ABCC11: variants seen among roughly 807,000 people sequenced by gnomAD.
ABCC11 encodes ATP binding cassette subfamily C member 11.
Under a neutral mutation model 149.3 loss-of-function variants are expected in ABCC11, and 135 were observed. The observed-to-expected ratio is 0.90, with a 90% CI of 0.79 to 1.04. The LOEUF (loss-of-function observed/expected upper bound fraction) is 1.04, where lower values mean the gene tolerates loss of function less well. ABCC11 is among the 50% of genes least tolerant of loss of function. ABCC11 has a pLI of 0.00. For synonymous variants in ABCC11, 665 were observed against 671.4 expected (o/e 0.99, Z 0.15); for missense variants, 1,680 against 1,722.1 (o/e 0.98, Z 0.43).
chr16:48,168,171 T>G (rs996299090), intron 28 of ABCC11, among the ~76,000 whole-genome samples: 4 of 152,200 alleles, frequency 2.6e-5, no homozygotes, highest in African/African-American at 9.6e-5. Context: ...AGGCTGTTTT[T>G]GAAAAGGGAG....
At chr16:48,210,512 C>T (rs766610720) in intron 11 of ABCC11, 16 of 164,052 alleles carry the variant, frequency 9.8e-5, no homozygotes, top group East Asian at 3.5e-4. Flanking sequence ...AGAGGAGGGG[C>T]GAAGAGGAGA....
At chr16:48,196,438 C>A (rs1967423715) in intron 17 of ABCC11, 117 bp from the exon 18 acceptor site, 2 of 934,788 alleles carry the variant, frequency 2.1e-6, no homozygotes, top group East Asian at 5.3e-5. Flanking sequence ...CAGTGCCCCA[C>A]CTATGTCTAA....
intron 1 of ABCC11, among the ~76,000 whole-genome samples, chr16:48,234,140 C>T (rs185333148): frequency 6.6e-6 from 1 of 152,306 alleles, no homozygotes; most frequent in East Asian, 1.9e-4. Context: ...TAAACACACC[C>T]ATCATGGCCG....
At chr16:48,210,193 T>C (rs573242633) in intron 11 of ABCC11, 1 of 152,190 alleles carries the variant, frequency 6.6e-6, no homozygotes, top group East Asian at 1.9e-4. Context: ...CCTTATTTCA[T>C]TTTAAATGCT....
chr16:48,165,381 C>T (rs1203586514), downstream of ABCC11, among the ~76,000 whole-genome samples: 1 of 152,234 alleles, frequency 6.6e-6, no homozygotes, highest in Non-Finnish European at 1.5e-5. Context: ...AAATGGGGAA[C>T]AGAAGGTTCG....
chr16:48,224,457 G>T (rs1044548085), intron 4 of ABCC11, 28 bp from the exon 5 acceptor site: 1 of 1,609,310 alleles, frequency 6.2e-7, no homozygotes, highest in Non-Finnish European at 8.5e-7. Context: ...GGAACTGGTG[G>T]AATCTCTTTG....
intron 1 of ABCC11, among the ~76,000 whole-genome samples, chr16:48,233,521 C>A (rs1970535345): frequency 6.6e-6 from 1 of 152,182 alleles, no homozygotes; most frequent in African/African-American, 2.4e-5. Context: ...GAGAGAGTGA[C>A]ACACACTCTT....
In ABCC11 at chr16:48,221,737, GGTGT is replaced by G. The variant is rs71973142; in HGVS notation, c.777+857_777+860del. 3.5e-3 allele frequency among the ~76,000 whole-genome samples: 527 copies of G among 150,128 alleles called. 2 individuals are homozygous for G. The highest frequency in any genetic ancestry group is 0.012 in the African/African-American group (497 of 41,020). ...AGAATAGGCCTCAGTAACTATTTGG[GGTGT>G]GTGTGTGTGTGTGTGTTTGAGACAG... On this transcript the variant is annotated intron_variant, in intron 6 of 29. Coordinates refer to ENST00000356608, the MANE Select transcript of ABCC11 (RefSeq NM_001370497.1).
downstream of ABCC11, chr16:48,165,127 C>G (rs1760432431): frequency 6.6e-6 from 1 of 152,032 alleles, no homozygotes; most frequent in African/African-American, 2.4e-5. Context: ...AGCTCCCTCA[C>G]CCGTGATGAG....
rs1171822717 is a variant in ABCC11 at position 48,198,253 on chromosome 16, A to T, written c.2105T>A (p.Ile702Asn). The change falls in exon 16 of 30, where the codon ATC becomes AAC. Residue 702 changes from isoleucine to asparagine, a missense_variant. Physicochemically the swap from Ile to Asn is moderately radical, Grantham distance 149. Coordinates refer to ENST00000356608, the MANE Select transcript of ABCC11 (RefSeq NM_001370497.1). ...QLQYLEFCGQ[I>N]ILLENGKICE... Reference sequence around the variant, plus strand: ...GATTTTCCCATTTTCCAACAAAATGATCTGGCCACAAAATTCTAAGTACTG... The same window carrying T: ...GATTTTCCCATTTTCCAACAAAATGTTCTGGCCACAAAATTCTAAGTACTG... 9 of 1,614,264 alleles carry T rather than the reference A, an allele frequency of 5.6e-6. No individual in the cohort carries two copies. The highest frequency in any genetic ancestry group is 7.6e-6 in the Non-Finnish European group (9 of 1,180,052).
At chr16:48,188,111 T>C (rs1966841640) in intron 20 of ABCC11, among the ~76,000 whole-genome samples, 1 of 152,178 alleles carries the variant, frequency 6.6e-6, no homozygotes, top group Non-Finnish European at 1.5e-5. Context: ...TAATTAAAAG[T>C]AGGTATAAAT....
At position 48,166,303 on chromosome 16, in the gene ABCC11, G is replaced by T. The variant is rs1004140298; in HGVS notation, c.*971C>A. On this transcript the variant is annotated 3_prime_UTR_variant, in exon 30 of 30. Transcript: ENST00000356608. Reference sequence around the variant, plus strand: ...TGGAATCATTGAGGCAAGAAGACCTGGGGGGTGCAGAGTGTGTAGGACGTG... The same window carrying T: ...TGGAATCATTGAGGCAAGAAGACCTTGGGGGTGCAGAGTGTGTAGGACGTG... Among the ~76,000 whole-genome samples, 5 of 152,150 alleles carry T rather than the reference G, an allele frequency of 3.3e-5. No homozygotes were observed. The highest frequency in any genetic ancestry group is 7.3e-5 in the Non-Finnish European group (5 of 68,032).
intron 18 of ABCC11, among the ~76,000 whole-genome samples, chr16:48,195,328 A>G (rs907081779): frequency 6.6e-6 from 1 of 152,086 alleles, no homozygotes; most frequent in Admixed American, 6.6e-5. Flanking sequence ...AGATCCATTC[A>G]TGCATTTCAC....
intron 14 of ABCC11, among the ~76,000 whole-genome samples, chr16:48,202,755 A>C (rs7206909): frequency 0.22 from 33,945 of 152,142 alleles, 4,537 homozygotes; most frequent in African/African-American, 0.37. Context: ...ACAGACTGAG[A>C]TATTATTAGA....
At chr16:48,197,904 A>C in intron 17 of ABCC11, 67 bp downstream of exon 17, 1 of 1,534,812 alleles carries the variant, frequency 6.5e-7, no homozygotes, top group Non-Finnish European at 9.0e-7. Context: ...CAAGGAGGAA[A>C]CACTGGGACC....
chr16:48,237,677 G>A (rs1970753129), intron 1 of ABCC11, among the ~76,000 whole-genome samples: 1 of 152,150 alleles, frequency 6.6e-6, no homozygotes, highest in Non-Finnish European at 1.5e-5. Flanking sequence ...CCTTACCAGA[G>A]CCTACAGAGC....
At chr16:48,223,705 A>G (rs1279509566) in intron 5 of ABCC11, 1 of 152,486 alleles carries the variant, frequency 6.6e-6, no homozygotes, top group African/African-American at 2.4e-5. Flanking sequence ...CAGCTGGCCA[A>G]TCAGACTCTT....
intron 3 of ABCC11, among the ~76,000 whole-genome samples, chr16:48,229,354 T>C (rs966462977): frequency 1.3e-5 from 2 of 152,020 alleles, no homozygotes; most frequent in African/African-American, 4.8e-5. Flanking sequence ...GAAGCTCAGA[T>C]TTTAAAAATG....
At chr16:48,212,919 C>T (rs1969042615) in intron 10 of ABCC11, among the ~76,000 whole-genome samples, 1 of 152,152 alleles carries the variant, frequency 6.6e-6, no homozygotes, top group African/African-American at 2.4e-5. Context: ...AATGCAGCTC[C>T]AGGCCTGGAG....
Sources: gnomAD v4.1 joint callset for allele counts (sites outside exome capture counted in the v4.1 genomes callset) on GRCh38, gnomAD v4.1.1 for gene constraint, MANE v1.5 for transcripts, NCBI Gene and HGNC (gene_info 2026-07-23, HGNC 2026-07-21) for gene names.